The following PRDM16 variants were observed in gnomAD, a reference collection of about 807,000 sequenced individuals.
PRDM16 encodes the protein histone-lysine N-methyltransferase PRDM16.
Under a neutral mutation model 110.6 loss-of-function variants are expected in PRDM16, and 23 were observed. The ratio of observed to expected loss-of-function variants is 0.21; its 90% CI spans 0.15 to 0.29. PRDM16 has a LOEUF of 0.29. Among genes scored for constraint, PRDM16 ranks in the 10% least tolerant of loss-of-function variants. The probability of loss-of-function intolerance (pLI) is 1.00; values close to 1 mark genes in which losing one functional copy is unlikely to be tolerated. For missense variants in PRDM16, 1,615 were observed against 1,794.3 expected (o/e 0.90, Z 1.81); for synonymous variants, 799 against 781.8 (o/e 1.02, Z -0.37).
chr1:3,134,860 C>A (rs1400402335), intron 1 of PRDM16, among the ~76,000 whole-genome samples: 2 of 152,246 alleles, frequency 1.3e-5, no homozygotes, highest in Admixed American at 1.3e-4. Context: ...CCCGAACCCG[C>A]GTGGGACACC....
At chr1:3,075,112 G>A (rs1010357436) in intron 1 of PRDM16, among the ~76,000 whole-genome samples, 7 of 152,358 alleles carry the variant, frequency 4.6e-5, no homozygotes, top group Non-Finnish European at 7.3e-5. Flanking sequence ...CCGCCTGGCC[G>A]GCCTAGCCTG....
At chr1:3,164,703 G>A (rs779980080) in intron 1 of PRDM16, among the ~76,000 whole-genome samples, 4 of 152,176 alleles carry the variant, frequency 2.6e-5, no homozygotes, top group Non-Finnish European at 4.4e-5. Context: ...GGTGACCTGC[G>A]AGGGAAATGA....
In PRDM16 at chr1:3,118,744, G is replaced by A. The variant is rs147422756; in HGVS notation, c.37+49448G>A. On this transcript the variant is annotated intron_variant, in intron 1 of 16. Coordinates refer to ENST00000270722, the MANE Select transcript of PRDM16 (RefSeq NM_022114.4). Reference sequence around the variant, plus strand: ...TCAGCCTGGGGGCCACGTGGATGGAGTCCAGGGAGACCCCAGCTGCTGGCG... The same window carrying A: ...TCAGCCTGGGGGCCACGTGGATGGAATCCAGGGAGACCCCAGCTGCTGGCG... Among the ~76,000 whole-genome samples, 91 of 152,306 alleles carry A rather than the reference G, an allele frequency of 6.0e-4. 2 individuals carry two copies. The East Asian group carries it at 0.018, about 30-fold the overall frequency.
rs1038332778 is a variant in PRDM16, at chr1:3,435,999, G to T, written c.*2188G>T. On this transcript the variant is annotated 3_prime_UTR_variant, in exon 17 of 17. Transcript: ENST00000270722. ...AGCTGGCGTGTCGGGAAGGATCCAG[G>T]ATCTGCAAACACAACTGCTCAGGCC... 1 of 230,666 alleles carries T rather than the reference G, an allele frequency of 4.3e-6. No homozygotes were observed. The highest frequency in any genetic ancestry group is 2.2e-5 in the African/African-American group (1 of 45,156). The allele number at this position is 230,666 out of a possible 1,614,324, so 14.3% of individuals were successfully genotyped here.
At chr1:3,098,451 C>T (rs1642457338) in intron 1 of PRDM16, among the ~76,000 whole-genome samples, 1 of 152,186 alleles carries the variant, frequency 6.6e-6, no homozygotes, top group Non-Finnish European at 1.5e-5. Flanking sequence ...GTCTCCCCCA[C>T]TCACCGCTCC....
intron 8 of PRDM16, among the ~76,000 whole-genome samples, chr1:3,411,039 G>T (rs2483227): frequency 0.011 from 1,711 of 150,520 alleles, 31 homozygotes; most frequent in African/African-American, 0.038. Flanking sequence ...AGTCTTGGGT[G>T]GGGCGCATGC....
At chr1:3,378,085 A>G (rs1339261406) in intron 3 of PRDM16, among the ~76,000 whole-genome samples, 2 of 152,184 alleles carry the variant, frequency 1.3e-5, no homozygotes, top group African/African-American at 4.8e-5. Flanking sequence ...GCAGGCGGAG[A>G]CATCGCCTTT....
chr1:3,100,653 A>C (rs910334604), intron 1 of PRDM16, among the ~76,000 whole-genome samples: 1 of 152,080 alleles, frequency 6.6e-6, no homozygotes, highest in Non-Finnish European at 1.5e-5. Flanking sequence ...GGAGCCCCCC[A>C]TGTAACCCGT....
At chr1:3,211,851 C>T (rs908616655) in intron 2 of PRDM16, among the ~76,000 whole-genome samples, 2 of 152,356 alleles carry the variant, frequency 1.3e-5, no homozygotes, top group Non-Finnish European at 2.9e-5. Context: ...CCACGCCTGG[C>T]GGCCTGGGCC....
At chr1:3,205,211 G>A (rs961101298) in intron 2 of PRDM16, among the ~76,000 whole-genome samples, 5 of 152,052 alleles carry the variant, frequency 3.3e-5, no homozygotes, top group Non-Finnish European at 7.4e-5. Flanking sequence ...ATAATCCCCC[G>A]ACGGGCAGCA....
At chr1:3,278,100 C>G (rs897088324) in intron 3 of PRDM16, among the ~76,000 whole-genome samples, 1 of 152,144 alleles carries the variant, frequency 6.6e-6, no homozygotes, top group Admixed American at 6.5e-5. Flanking sequence ...GTGAAGGCTT[C>G]TTCTCATTCT....
intron 3 of PRDM16, among the ~76,000 whole-genome samples, chr1:3,337,227 G>A (rs990003995): frequency 1.2e-4 from 18 of 151,814 alleles, no homozygotes; most frequent in African/African-American, 2.7e-4. Context: ...ATGCATACAC[G>A]CACATGTGTG....
At chr1:3,156,755 G>A (rs1208075674) in intron 1 of PRDM16, among the ~76,000 whole-genome samples, 1 of 152,222 alleles carries the variant, frequency 6.6e-6, no homozygotes, top group African/African-American at 2.4e-5. Flanking sequence ...GGCTCAAGCA[G>A]TGGCCACAGC....
intron 3 of PRDM16, among the ~76,000 whole-genome samples, chr1:3,248,014 A>C (rs2100208852): frequency 6.6e-6 from 1 of 152,328 alleles, no homozygotes; most frequent in African/African-American, 2.4e-5. Flanking sequence ...AGCCCGCCGG[A>C]GCCGGTAATA....
At chr1:3,394,537 C>G (rs10909936) in intron 4 of PRDM16, 36,255 of 412,112 alleles carry the variant, frequency 0.088, 2,203 homozygotes, top group African/African-American at 0.21. Flanking sequence ...AGCCAAGGGG[C>G]GGGCGGCCAG....
intron 1 of PRDM16, among the ~76,000 whole-genome samples, chr1:3,181,032 G>C (rs141214669): frequency 1.7e-5 from 2 of 118,686 alleles, no homozygotes; most frequent in Non-Finnish European, 1.8e-5. Context: ...GGTCTTACAC[G>C]CGGTCTTACA....
intron 1 of PRDM16, among the ~76,000 whole-genome samples, chr1:3,169,888 G>T (rs1040777953): frequency 5.9e-5 from 9 of 152,214 alleles, no homozygotes; most frequent in African/African-American, 2.2e-4. Context: ...GATTAATAGC[G>T]GGGGGACTGT....
chr1:3,283,563 G>A (rs74050826), intron 3 of PRDM16, among the ~76,000 whole-genome samples: 74 of 152,218 alleles, frequency 4.9e-4, no homozygotes, highest in African/African-American at 3.6e-4. Context: ...GACGGACAGC[G>A]AAGGGTTACG....
At position 3,245,736 on chromosome 1, in the gene PRDM16, T is replaced by A. The variant is rs1639776739; in HGVS notation, c.438+1599T>A. On this transcript the variant is annotated intron_variant, in intron 3 of 16. Transcript: ENST00000270722. This position sits in a 1 kb window ranked among gnomAD's most constrained non-coding sequence, Gnocchi z 4.7. ...TCCTGCCTCTTTAAATGAGTTCACATTTTCTTAAAGGACATAGAGGAGCAG... is the reference window on the plus strand; with the variant it reads ...TCCTGCCTCTTTAAATGAGTTCACAATTTCTTAAAGGACATAGAGGAGCAG... Among the ~76,000 whole-genome samples the A allele has an allele frequency of 9.9e-6, 1 of 100,754 alleles. No individual in the cohort carries two copies. Among genetic ancestry groups the A allele is most frequent in the South Asian group, 3.4e-4 (1 of 2,932 alleles). 66.1% of individuals were successfully genotyped at this position (100,754 alleles called of 152,430 possible). A position where few individuals can be genotyped will look rare whatever the true frequency, so the allele number is the denominator to read the frequency against.
Sources: gnomAD v4.1 joint callset for allele counts (sites outside exome capture counted in the v4.1 genomes callset) on GRCh38, gnomAD v4.1.1 for gene constraint, Gnocchi (gnomAD v3.1) non-coding constraint, MANE v1.5 for transcripts, NCBI Gene and HGNC (gene_info 2026-07-23, HGNC 2026-07-21) for gene names.